The following C5 variants were observed in gnomAD, a reference collection of about 807,000 sequenced individuals.
The protein encoded by C5 is C3 and PZP-like alpha-2-macroglobulin domain-containing protein 4.
In C5, 140 loss-of-function variants were observed where a neutral mutation model predicts 218.8. The ratio of observed to expected loss-of-function variants is 0.64; its 90% CI spans 0.56 to 0.74. C5 has a LOEUF of 0.74. Ranked by LOEUF, C5 falls within the 30% of genes least tolerant of loss-of-function variation. The probability of loss-of-function intolerance (pLI) is 0.00; values close to 1 mark genes in which losing one functional copy is unlikely to be tolerated. For synonymous variants in C5, 614 were observed against 682.3 expected (o/e 0.90, Z 1.56); for missense variants, 1,700 against 1,969.6 (o/e 0.86, Z 2.59).
chr9:120,994,922 G>GAA (rs11306867), intron 22 of C5, among the ~76,000 whole-genome samples: 2 of 133,974 alleles, frequency 1.5e-5, no homozygotes, highest in African/African-American at 2.9e-5. Context: ...CATCTGTGGT[G>GAA]AAAAAAAAAA....
At chr9:121,008,623 T>C (rs1193829768) in intron 17 of C5, 125 bp from the exon 18 acceptor site, 10 of 745,488 alleles carry the variant, frequency 1.3e-5, no homozygotes, top group Non-Finnish European at 2.1e-5. Flanking sequence ...AACATTTTGT[T>C]TAATGCTTCC....
At chr9:120,953,948 C>G (rs1209771348) in intron 39 of C5, 80 bp from the exon 40 acceptor site, 1 of 1,486,102 alleles carries the variant, frequency 6.7e-7, no homozygotes, top group Non-Finnish European at 9.4e-7. Context: ...TTTTCTGGTT[C>G]CTCGTGGCTA....
the C5 span, among the ~76,000 whole-genome samples, chr9:121,061,652 T>G: frequency 4.6e-5 from 7 of 152,270 alleles, no homozygotes; most frequent in Non-Finnish European, 8.8e-5. Context: ...ATTAATAACT[T>G]TAATTATTGG....
intron 38 of C5, among the ~76,000 whole-genome samples, chr9:120,957,695 G>A (rs983471102): frequency 3.3e-5 from 5 of 152,354 alleles, no homozygotes; most frequent in African/African-American, 1.2e-4. Flanking sequence ...GATGAGTGGA[G>A]TCATGCCCAT....
intron 33 of C5, among the ~76,000 whole-genome samples, chr9:120,968,435 C>A (rs910909752): frequency 6.6e-6 from 1 of 152,218 alleles, no homozygotes; most frequent in African/African-American, 2.4e-5. Context: ...GATTTTGGGA[C>A]TTCTCACCTC....
At chr9:121,023,609 C>T (rs1397229097) in intron 9 of C5, 90 bp from the exon 10 acceptor site, 2 of 785,488 alleles carry the variant, frequency 2.5e-6, no homozygotes, top group East Asian at 5.0e-5. Context: ...TCTCCACAGA[C>T]TTATTCATTC....
chr9:120,971,224 A>G (rs1364593230), intron 31 of C5, among the ~76,000 whole-genome samples: 2 of 151,596 alleles, frequency 1.3e-5, no homozygotes, highest in Admixed American at 6.6e-5. Context: ...GCTAAAATGA[A>G]GAAATAAGTC....
intron 31 of C5, among the ~76,000 whole-genome samples, chr9:120,971,646 C>T (rs2046914972): frequency 6.6e-6 from 1 of 152,178 alleles, no homozygotes; most frequent in South Asian, 2.1e-4. Flanking sequence ...ACCGTGTTAG[C>T]CAGGGTGGTC....
chr9:120,976,592 T>A (rs1224706486), intron 29 of C5, 108 bp downstream of exon 29: 2 of 877,174 alleles, frequency 2.3e-6, no homozygotes, highest in African/African-American at 3.3e-5. Context: ...ATTATTCATA[T>A]CTATTGCATG....
intron 22 of C5, among the ~76,000 whole-genome samples, chr9:120,994,674 A>T (rs1335933752): frequency 6.6e-6 from 1 of 152,092 alleles, no homozygotes; most frequent in Non-Finnish European, 1.5e-5. Flanking sequence ...TTCCCTCTTT[A>T]GCTCTGCAGA....
Position 120,969,085 on chromosome 9 carries a change from T to C in C5, c.4196A>G (p.Tyr1399Cys). 1 of 1,614,042 alleles carries C rather than the reference T, an allele frequency of 6.2e-7. No individual in the cohort carries two copies. The highest frequency in any genetic ancestry group is 8.5e-7 in the Non-Finnish European group (1 of 1,179,914). The change falls in exon 33 of 41, where the codon TAC becomes TGC. Residue 1399 changes from tyrosine (Y) to cysteine (C), a missense_variant. Transcript: ENST00000223642. Reference sequence around the variant, plus strand: ...CCTGGCACATGCTACTATGCGTTTGTAATCAGAGTTTCCGTAGCCTCTGTA... The same window carrying C: ...CCTGGCACATGCTACTATGCGTTTGCAATCAGAGTTTCCGTAGCCTCTGTA... ...SHYRGYGNSD[Y>C]KRIVACASYK...
At chr9:120,987,099 G>C (rs2047038225) in intron 25 of C5, among the ~76,000 whole-genome samples, 1 of 152,238 alleles carries the variant, frequency 6.6e-6, no homozygotes, top group Non-Finnish European at 1.5e-5. Context: ...AGAAACAGAA[G>C]TGTATTTGAG....
rs141660654 is a variant in C5, at chr9:120,957,334, T to C, written c.4713A>G (p.Glu1571=). 46 of 1,613,270 alleles carry C rather than the reference T, an allele frequency of 2.9e-5. No homozygotes were observed. The African/African-American group carries it at 5.1e-4, about 18-fold the overall frequency. ...YKVSITSITV[E]NVFVKYKATL... ...TTGCCTTGTACTTGACAAAAACATTTTCTACAGTGATGGATGTGATGCTAA... is the reference window on the plus strand; with the variant it reads ...TTGCCTTGTACTTGACAAAAACATTCTCTACAGTGATGGATGTGATGCTAA... The change falls in exon 39 of 41, where the codon GAA becomes GAG. Residue 1571 remains glutamate, a synonymous_variant. Coordinates refer to ENST00000223642, the MANE Select transcript of C5 (RefSeq NM_001735.3).
At chr9:120,970,384 T>A (rs148370589) in intron 31 of C5, 133 bp from the exon 32 acceptor site, 212 of 704,448 alleles carry the variant, frequency 3.0e-4, no homozygotes, top group Non-Finnish European at 4.4e-4. Flanking sequence ...TGGTGTACAT[T>A]AGTGACTCAT....
rs754907281 is a variant in C5 at position 120,970,264 on chromosome 9, C to A, written c.4081-13G>T. ...CTACAGTTGTTACCTACATTGGGGA[C>A]AAGTAAGCAAGAAGATTCTATTTAA... is the stretch of plus-strand genomic sequence containing the variant. On this transcript the variant is annotated splice_polypyrimidine_tract_variant and intron_variant, in intron 31 of 40. Coordinates refer to ENST00000223642, the MANE Select transcript of C5 (RefSeq NM_001735.3). The A allele has an allele frequency of 1.3e-6, 2 of 1,561,614 alleles. No individual in the cohort carries two copies. The highest frequency in any genetic ancestry group is 1.7e-5 in the Admixed American group (1 of 59,954).
chr9:121,017,862 A>C lies in C5; in HGVS notation c.1507-10T>G. 1 of 1,543,982 alleles carries C rather than the reference A, an allele frequency of 6.5e-7. No homozygotes were observed. Among genetic ancestry groups the C allele is most frequent in the African/African-American group, 1.4e-5 (1 of 73,784 alleles). On this transcript the variant is annotated splice_polypyrimidine_tract_variant and intron_variant, in intron 12 of 40. Coordinates refer to ENST00000223642, the MANE Select transcript of C5 (RefSeq NM_001735.3). ...TGCCCTTGGATAAAATCTAAAAATA[A>C]ACAGCAGCAGCAACAATAAGTAAAA...
At chr9:120,962,648 A>T (rs552463689) in intron 36 of C5, 23 bp downstream of exon 36, 14 of 1,486,670 alleles carry the variant, frequency 9.4e-6, no homozygotes, top group Non-Finnish European at 8.5e-6. Context: ...CTTCTGAAGA[A>T]ATGTTAGCAT....
chr9:121,074,690 C>T, the C5 span: 14 of 413,044 alleles, frequency 3.4e-5, no homozygotes, highest in Non-Finnish European at 5.3e-5. Context: ...GCGAAGGCCA[C>T]AGCACTGCGG....
At chr9:121,050,510 T>C (rs2047664116), upstream of C5, among the ~76,000 whole-genome samples, 1 of 152,230 alleles carries the variant, frequency 6.6e-6, no homozygotes, top group African/African-American at 2.4e-5. Context: ...TTTGGCACTA[T>C]GAAGAGTGGC....
Sources: gnomAD v4.1 joint callset for allele counts (sites outside exome capture counted in the v4.1 genomes callset) on GRCh38, gnomAD v4.1.1 for gene constraint, MANE v1.5 for transcripts, NCBI Gene and HGNC (gene_info 2026-07-23, HGNC 2026-07-21) for gene names.